The following GRIK3 variants were observed in gnomAD, a reference collection of about 807,000 sequenced individuals.
The protein encoded by GRIK3 is glutamate receptor ionotropic, kainate 3.
In GRIK3, 29 loss-of-function variants were observed where a neutral mutation model predicts 102.5. That is an observed-to-expected ratio of 0.28 (90% confidence interval 0.21 to 0.39). The LOEUF is 0.39. GRIK3 is among the 10% of genes least tolerant of loss of function. GRIK3 has a pLI of 1.00. For synonymous variants in GRIK3, 511 were observed against 504.9 expected (o/e 1.01, Z -0.16); for missense variants, 908 against 1,252.4 (o/e 0.73, Z 4.15).
At chr1:36,905,170 C>T (rs1641273332) in intron 1 of GRIK3, among the ~76,000 whole-genome samples, 3 of 152,032 alleles carry the variant, frequency 2.0e-5, no homozygotes, top group South Asian at 2.1e-4. Context: ...AAAGAAAATA[C>T]CTTACCATAA....
At chr1:36,852,496 G>T (rs1207043376) in intron 8 of GRIK3, among the ~76,000 whole-genome samples, 1 of 152,206 alleles carries the variant, frequency 6.6e-6, no homozygotes, top group Non-Finnish European at 1.5e-5. Context: ...ATTTCTTGGA[G>T]AGCTGAAGTT....
At chr1:36,986,378 T>C (rs1020550365) in intron 1 of GRIK3, among the ~76,000 whole-genome samples, 12 of 149,944 alleles carry the variant, frequency 8.0e-5, no homozygotes, top group African/African-American at 3.0e-4. Flanking sequence ...AGTCCGCCCA[T>C]CCATCCATCC....
intron 13 of GRIK3, among the ~76,000 whole-genome samples, chr1:36,815,169 A>G (rs534734592): frequency 6.6e-6 from 1 of 152,152 alleles, no homozygotes; most frequent in East Asian, 1.9e-4. Context: ...TCTTCCCCTC[A>G]CTCTAAATAC....
At chr1:36,866,825 T>C (rs1415670266) in intron 5 of GRIK3, among the ~76,000 whole-genome samples, 1 of 152,220 alleles carries the variant, frequency 6.6e-6, no homozygotes, top group Non-Finnish European at 1.5e-5. Context: ...CTTTCCACAT[T>C]GCATTGCAGT....
intron 13 of GRIK3, among the ~76,000 whole-genome samples, chr1:36,810,725 A>G (rs1642551807): frequency 6.6e-6 from 1 of 152,182 alleles, no homozygotes; most frequent in African/African-American, 2.4e-5. Context: ...CTTATCTCTG[A>G]GTGTGGAATC....
intron 1 of GRIK3, among the ~76,000 whole-genome samples, chr1:36,936,218 G>C (rs1410505506): frequency 6.6e-6 from 1 of 152,194 alleles, no homozygotes; most frequent in Non-Finnish European, 1.5e-5. Context: ...TGCTTTGCTG[G>C]TCCAAGCTAG....
intron 5 of GRIK3, among the ~76,000 whole-genome samples, chr1:36,868,432 A>G (rs868165202): frequency 2.2e-4 from 34 of 152,268 alleles, no homozygotes; most frequent in Middle Eastern, 3.4e-3. Flanking sequence ...CTGGATCAGG[A>G]GAATCGCAGG....
At chr1:36,910,181 G>A (rs1020479494) in intron 1 of GRIK3, among the ~76,000 whole-genome samples, 3 of 152,192 alleles carry the variant, frequency 2.0e-5, no homozygotes, top group African/African-American at 7.2e-5. Context: ...AGGACTTAAG[G>A]CCTGCTGCCA....
intron 1 of GRIK3, among the ~76,000 whole-genome samples, chr1:36,997,465 C>A (rs186233726): frequency 3.3e-5 from 5 of 152,340 alleles, no homozygotes; most frequent in Admixed American, 2.0e-4. Flanking sequence ...AGCTCAATGA[C>A]AAACACAGAG....
chr1:36,872,880 A>G lies in GRIK3; in HGVS notation c.551-511T>C, dbSNP rs955628302. On this transcript the variant is annotated intron_variant, in intron 3 of 15. Coordinates refer to ENST00000373091, the MANE Select transcript of GRIK3 (RefSeq NM_000831.4). This position sits in a 1 kb window ranked among gnomAD's most constrained non-coding sequence, Gnocchi z 5.9. ...AGCTGCTTCCAGGATATGGGCACAA[A>G]AGGCAGCTCCAGCCTCAGTGGTACT... 8.5e-5 allele frequency among the ~76,000 whole-genome samples: 13 copies of G among 152,294 alleles called. No homozygotes were observed. Among genetic ancestry groups the G allele is most frequent in the African/African-American group, 2.9e-4 (12 of 41,566 alleles).
At chr1:36,915,412 A>G (rs1355572940) in intron 1 of GRIK3, among the ~76,000 whole-genome samples, 2 of 152,358 alleles carry the variant, frequency 1.3e-5, no homozygotes, top group Admixed American at 1.3e-4. Context: ...CATTTCTCAA[A>G]TATAAATAAA....
chr1:36,917,692 T>C (rs1295928916), intron 1 of GRIK3, among the ~76,000 whole-genome samples: 1 of 152,364 alleles, frequency 6.6e-6, no homozygotes, highest in Admixed American at 6.5e-5. Flanking sequence ...TCCAGCCACA[T>C]GGAACTGTAA....
intron 13 of GRIK3, among the ~76,000 whole-genome samples, chr1:36,812,000 G>T (rs569404719): frequency 6.6e-6 from 1 of 152,096 alleles, no homozygotes; most frequent in Non-Finnish European, 1.5e-5. Flanking sequence ...ACGACAGGCG[G>T]CATCACACTG....
intron 1 of GRIK3, among the ~76,000 whole-genome samples, chr1:36,895,756 T>A (rs1028112851): frequency 8.6e-5 from 13 of 151,980 alleles, no homozygotes; most frequent in African/African-American, 3.1e-4. Context: ...ACCAAACCAC[T>A]GATCTAGGAT....
At chr1:36,890,894 A>G in intron 2 of GRIK3, 26 bp downstream of exon 2, 2 of 1,570,996 alleles carry the variant, frequency 1.3e-6, no homozygotes, top group Non-Finnish European at 8.7e-7. Flanking sequence ...CTGGGAAGAG[A>G]ACAGAGGCAG....
At chr1:36,992,443 T>C (rs1642372594) in intron 1 of GRIK3, among the ~76,000 whole-genome samples, 1 of 152,150 alleles carries the variant, frequency 6.6e-6, no homozygotes, top group African/African-American at 2.4e-5. Flanking sequence ...ATGTTCACGT[T>C]ACAAAGTCAA....
intron 1 of GRIK3, among the ~76,000 whole-genome samples, chr1:37,016,875 T>C (rs1642657000): frequency 6.6e-6 from 1 of 152,122 alleles, no homozygotes; most frequent in Non-Finnish European, 1.5e-5. Flanking sequence ...AGAGAATTTC[T>C]TGAATTCCAA....
chr1:36,873,357 G>T (rs1381906670), intron 3 of GRIK3, among the ~76,000 whole-genome samples: 1 of 152,192 alleles, frequency 6.6e-6, no homozygotes, highest in Non-Finnish European at 1.5e-5. Flanking sequence ...AAAACTGAAT[G>T]TCACTTTCTG....
intron 1 of GRIK3, among the ~76,000 whole-genome samples, chr1:36,893,796 C>T (rs1641144030): frequency 6.6e-6 from 1 of 152,056 alleles, no homozygotes; most frequent in Admixed American, 6.6e-5. Flanking sequence ...TATGTATTTA[C>T]ATATAATCAC....
Sources: gnomAD v4.1 joint callset for allele counts (sites outside exome capture counted in the v4.1 genomes callset) on GRCh38, gnomAD v4.1.1 for gene constraint, Gnocchi (gnomAD v3.1) non-coding constraint, MANE v1.5 for transcripts, NCBI Gene and HGNC (gene_info 2026-07-23, HGNC 2026-07-21) for gene names.